SH3KBP1: variants seen among roughly 807,000 people sequenced by gnomAD.
SH3KBP1 encodes SH3 domain containing kinase binding protein 1.
In SH3KBP1, 8 loss-of-function variants were observed where a neutral mutation model predicts 50.1. The ratio of observed to expected loss-of-function variants is 0.16; its 90% CI spans 0.09 to 0.29. The LOEUF is 0.29. Ranked by LOEUF, SH3KBP1 falls within the 10% of genes least tolerant of loss-of-function variation. SH3KBP1 has a pLI of 1.00. For synonymous variants in SH3KBP1, 227 were observed against 218.6 expected (o/e 1.04, Z -0.34); for missense variants, 377 against 535.2 (o/e 0.70, Z 2.92).
intron 13 of SH3KBP1, among the ~76,000 whole-genome samples, chrX:19,556,039 G>A (rs1000257725): frequency 2.7e-5 from 3 of 111,850 alleles, no homozygotes; most frequent in Non-Finnish European, 3.8e-5. Context: ...GGCTTGCAGC[G>A]AGTGTTCAAA....
chrX:19,588,276 G>A (rs992419862), intron 12 of SH3KBP1: 27 of 984,983 alleles, frequency 2.7e-5, no homozygotes, highest in Admixed American at 2.4e-4. Context: ...ACTTGAGGCC[G>A]GCACAACATC....
chrX:19,722,557 CGCGTGCGCACTG>C (rs2064090394), intron 3 of SH3KBP1, among the ~76,000 whole-genome samples: 1 of 93,454 alleles, frequency 1.1e-5, no homozygotes, highest in African/African-American at 4.0e-5. Flanking sequence ...TGTGTGTGTG[CGCGTGCGCACTG>C]GTGTGTGTGT....
intron 9 of SH3KBP1, among the ~76,000 whole-genome samples, chrX:19,596,387 AATG>A (rs1473740673): frequency 8.9e-6 from 1 of 112,129 alleles, no homozygotes; most frequent in Non-Finnish European, 1.9e-5. Context: ...AGAAAAAACT[AATG>A]ATATCTGAGC....
intron 7 of SH3KBP1, among the ~76,000 whole-genome samples, chrX:19,641,806 T>A (rs765735293): frequency 5.9e-4 from 66 of 111,791 alleles, no homozygotes; most frequent in Non-Finnish European, 1.1e-3. Context: ...ATATGTACAC[T>A]TGGCAAAGGG....
intron 8 of SH3KBP1, among the ~76,000 whole-genome samples, chrX:19,616,090 C>T (rs1037187647): frequency 2.7e-5 from 3 of 110,855 alleles, no homozygotes; most frequent in Admixed American, 9.6e-5. Context: ...GTCTCTCGAG[C>T]AGCCAAGACT....
At chrX:19,770,989 T>C (rs952499815) in intron 2 of SH3KBP1, among the ~76,000 whole-genome samples, 3 of 111,943 alleles carry the variant, frequency 2.7e-5, no homozygotes, top group African/African-American at 9.7e-5. Flanking sequence ...AGGTTGTCTG[T>C]TTACCCTGTT....
In SH3KBP1 at chrX:19,887,454, G is replaced by T; in HGVS notation, c.-144C>A. 2.6e-6 allele frequency: 1 copy of T among 387,986 alleles called. No homozygotes were observed. Among genetic ancestry groups the T allele is most frequent in the Non-Finnish European group, 3.8e-6 (1 of 261,029 alleles). The allele number at this position is 387,986 out of a possible 1,213,427, so 32.0% of individuals were successfully genotyped here. A position where few individuals can be genotyped will look rare whatever the true frequency, so the allele number is the denominator to read the frequency against. ...CGGCTGGGCCGGCTTCTTCCTCAGTGGCGGCGGCGGCGGCTCAGCGCCGCC... is the reference window on the plus strand; with the variant it reads ...CGGCTGGGCCGGCTTCTTCCTCAGTTGCGGCGGCGGCGGCTCAGCGCCGCC... On this transcript the variant is annotated 5_prime_UTR_variant, in exon 1 of 18. Coordinates refer to ENST00000397821, the MANE Select transcript of SH3KBP1 (RefSeq NM_031892.3).
chrX:19,546,159 C>A (rs1390436914), intron 14 of SH3KBP1, 109 bp from the exon 15 acceptor site: 13 of 921,968 alleles, frequency 1.4e-5, no homozygotes, highest in African/African-American at 1.9e-5. Context: ...GCTATTTTGT[C>A]TTCTCACGAT....
At chrX:19,702,863 T>C (rs1603052693) in intron 4 of SH3KBP1, among the ~76,000 whole-genome samples, 1 of 112,378 alleles carries the variant, frequency 8.9e-6, no homozygotes, top group Middle Eastern at 4.6e-3. Context: ...CCAGTGTGTA[T>C]TCACAATGAT....
intron 3 of SH3KBP1, among the ~76,000 whole-genome samples, chrX:19,718,851 C>T (rs947065859): frequency 1.8e-5 from 2 of 110,684 alleles, no homozygotes; most frequent in Non-Finnish European, 3.8e-5. Context: ...TGATCAGATG[C>T]TGTTACAGAA....
chrX:19,818,451 T>G (rs1275205501), intron 2 of SH3KBP1, among the ~76,000 whole-genome samples: 2 of 112,022 alleles, frequency 1.8e-5, no homozygotes, highest in Non-Finnish European at 3.8e-5. Flanking sequence ...CTTCCAGTAT[T>G]ACGTTGAATG....
intron 11 of SH3KBP1, among the ~76,000 whole-genome samples, chrX:19,590,017 G>A (rs139416430): frequency 0.014 from 1,533 of 110,527 alleles, 28 homozygotes; most frequent in African/African-American, 0.047. Context: ...AGGCTGAGGC[G>A]GGAGGATCTT....
chrX:19,886,417 G>T (rs2069585578), intron 1 of SH3KBP1, among the ~76,000 whole-genome samples: 1 of 111,996 alleles, frequency 8.9e-6, no homozygotes. Context: ...ACATTACCTG[G>T]GTAGACCAAA....
At chrX:19,734,250 C>T (rs751645335) in intron 3 of SH3KBP1, among the ~76,000 whole-genome samples, 1 of 111,904 alleles carries the variant, frequency 8.9e-6, no homozygotes, top group Admixed American at 9.5e-5. Flanking sequence ...GTTCTCTACC[C>T]TTCTCAAATC....
intron 6 of SH3KBP1, among the ~76,000 whole-genome samples, chrX:19,662,568 T>C (rs994124515): frequency 2.7e-5 from 3 of 111,860 alleles, no homozygotes; most frequent in Admixed American, 9.5e-5. Context: ...GTAAAAATTC[T>C]TTTGAAACAC....
intron 11 of SH3KBP1, among the ~76,000 whole-genome samples, chrX:19,591,377 C>A (rs1198687795): frequency 2.7e-5 from 3 of 111,619 alleles, no homozygotes; most frequent in Non-Finnish European, 5.6e-5. Context: ...CTACAGTATG[C>A]AGAATTCTTT....
intron 2 of SH3KBP1, among the ~76,000 whole-genome samples, chrX:19,811,006 C>T (rs2067189423): frequency 8.9e-6 from 1 of 112,007 alleles, no homozygotes; most frequent in Admixed American, 9.5e-5. Flanking sequence ...GTATTACGTG[C>T]CACCAGAGCC....
intron 7 of SH3KBP1, among the ~76,000 whole-genome samples, chrX:19,635,517 T>G (rs2061680741): frequency 9.3e-6 from 1 of 107,517 alleles, no homozygotes; most frequent in Non-Finnish European, 1.9e-5. Flanking sequence ...CTGCACATTC[T>G]GCACGTGTAT....
intron 10 of SH3KBP1, among the ~76,000 whole-genome samples, chrX:19,593,072 C>T (rs1301258465): frequency 1.8e-5 from 2 of 112,181 alleles, no homozygotes; most frequent in Non-Finnish European, 3.8e-5. Context: ...TTCAAATGTA[C>T]CACTTAGCAC....
Sources: allele counts gnomAD v4.1 joint callset (sites outside exome capture counted in the v4.1 genomes callset), GRCh38; gene constraint gnomAD v4.1.1; transcripts MANE v1.5; gene names NCBI Gene and HGNC (gene_info 2026-07-23, HGNC 2026-07-21).